ACACA: variants seen among roughly 807,000 people sequenced by gnomAD.
ACACA encodes the protein acetyl-CoA carboxylase 1.
Under a neutral mutation model 296.1 loss-of-function variants are expected in ACACA, and 103 were observed. That is an observed-to-expected ratio of 0.35 (90% CI 0.30 to 0.41). ACACA has a LOEUF of 0.41. ACACA is among the 10% of genes least tolerant of loss of function. The pLI, the probability that ACACA is intolerant of heterozygous loss-of-function variation, is 1.00. For synonymous variants in ACACA, 953 were observed against 1,038.6 expected (o/e 0.92, Z 1.58); for missense variants, 1,554 against 2,989.7 (o/e 0.52, Z 11.20).
At chr17:37,278,099 T>C in intron 5 of ACACA, 94 bp from the exon 6 acceptor site, 1 of 910,034 alleles carries the variant, frequency 1.1e-6, no homozygotes, top group East Asian at 2.5e-5. Flanking sequence ...GGGACTATCA[T>C]AAGTAACCAC....
At chr17:37,124,246 G>A (rs1343826089) in intron 48 of ACACA, among the ~76,000 whole-genome samples, 1 of 152,208 alleles carries the variant, frequency 6.6e-6, no homozygotes, top group African/African-American at 2.4e-5. Context: ...CCCAGAACTC[G>A]TCAGATAGAA....
chr17:37,378,016 T>C, intron 1 of ACACA: 3 of 1,537,920 alleles, frequency 2.0e-6, no homozygotes, highest in Non-Finnish European at 2.7e-6. Context: ...CAAAAAATTT[T>C]TACCTTTAAA....
chr17:37,180,550 G>A (rs1016858571), intron 40 of ACACA, among the ~76,000 whole-genome samples: 2 of 152,048 alleles, frequency 1.3e-5, no homozygotes, highest in Non-Finnish European at 2.9e-5. Flanking sequence ...ATTTTCTACT[G>A]GTGATACACT....
At chr17:37,365,000 T>G (rs966482227) in intron 1 of ACACA, among the ~76,000 whole-genome samples, 15 of 152,010 alleles carry the variant, frequency 9.9e-5, no homozygotes, top group African/African-American at 3.4e-4. Flanking sequence ...TGAGACAGAG[T>G]CTCGCTCTGT....
At chr17:37,131,673 C>T (rs1392222304) in intron 45 of ACACA, among the ~76,000 whole-genome samples, 3 of 152,178 alleles carry the variant, frequency 2.0e-5, no homozygotes, top group Non-Finnish European at 2.9e-5. Flanking sequence ...GTCAGCACCC[C>T]CATCGGGACC....
intron 16 of ACACA, 58 bp from the exon 17 acceptor site, chr17:37,248,732 T>C: frequency 8.2e-7 from 1 of 1,214,640 alleles, no homozygotes; most frequent in East Asian, 2.4e-5. Context: ...TAAGAGAATC[T>C]AAAACATTAT....
At chr17:37,155,357 T>C (rs982218970) in intron 43 of ACACA, among the ~76,000 whole-genome samples, 2 of 152,182 alleles carry the variant, frequency 1.3e-5, no homozygotes, top group African/African-American at 2.4e-5. Flanking sequence ...AAAAAAGATA[T>C]GTCTATAGAA....
chr17:37,219,756 C>A (rs1275075798), intron 29 of ACACA, among the ~76,000 whole-genome samples: 1 of 148,732 alleles, frequency 6.7e-6, no homozygotes, highest in Non-Finnish European at 1.5e-5. Context: ...TCTTATAAAA[C>A]TAAATTCAAG....
At chr17:37,286,211 A>G (rs1036315645) in intron 3 of ACACA, among the ~76,000 whole-genome samples, 3 of 152,062 alleles carry the variant, frequency 2.0e-5, no homozygotes, top group African/African-American at 7.2e-5. Flanking sequence ...ATTTTTTCTT[A>G]GTGGTACATA....
intron 3 of ACACA, among the ~76,000 whole-genome samples, chr17:37,304,037 T>C (rs947446877): frequency 1.7e-4 from 26 of 152,336 alleles, no homozygotes; most frequent in Admixed American, 4.6e-4. Flanking sequence ...TTAATTTGCA[T>C]TTTCCTAATA....
intron 30 of ACACA, 33 bp from the exon 31 acceptor site, chr17:37,207,833 AG>A: frequency 6.2e-7 from 1 of 1,610,322 alleles, no homozygotes; most frequent in South Asian, 1.1e-5. Flanking sequence ...TCATTAGACA[AG>A]GAGGGTAGGA....
rs754418199 is a variant in ACACA, at chr17:37,223,559, T to C, written c.3517A>G (p.Asn1173Asp). 2.5e-6 allele frequency: 4 copies of C among 1,612,538 alleles called. No individual in the cohort carries two copies. The highest frequency in any genetic ancestry group is 2.5e-6 in the Non-Finnish European group (3 of 1,178,596). Residue 1173 changes from asparagine (N) to aspartate (D), a missense_variant, in exon 28 of 56, where the codon AAC becomes GAC. Asn to Asp is a conservative substitution (Grantham distance 23). Transcript: ENST00000616317. ...SETSIFDVLP[N>D]FFYHSNQVVR... ...ACTTGGTTGCTGTGATAGAAGAAGTTTGGTAGGACATCAAAAATAGATGTT... is the reference window on the plus strand; with the variant it reads ...ACTTGGTTGCTGTGATAGAAGAAGTCTGGTAGGACATCAAAAATAGATGTT...
At chr17:37,177,599 C>T (rs1357363937) in intron 41 of ACACA, among the ~76,000 whole-genome samples, 1 of 152,196 alleles carries the variant, frequency 6.6e-6, no homozygotes, top group Non-Finnish European at 1.5e-5. Context: ...CCATTTTGCT[C>T]TCAGCCCCAT....
At chr17:37,377,661 A>G (rs1378651911) in intron 1 of ACACA, among the ~76,000 whole-genome samples, 2 of 32,990 alleles carry the variant, frequency 6.1e-5, no homozygotes, top group Non-Finnish European at 1.2e-4. Context: ...CTCCGTCTCA[A>G]TAAATAAATA....
chr17:37,183,252 G>A (rs2077392389), intron 39 of ACACA, among the ~76,000 whole-genome samples: 1 of 152,140 alleles, frequency 6.6e-6, no homozygotes, highest in African/African-American at 2.4e-5. Flanking sequence ...TGTGCACTGA[G>A]GAAGGGGATT....
intron 45 of ACACA, among the ~76,000 whole-genome samples, chr17:37,132,692 T>G (rs577681616): frequency 6.6e-6 from 1 of 152,144 alleles, no homozygotes; most frequent in Non-Finnish European, 1.5e-5. Flanking sequence ...TCTTCCTATC[T>G]CTAATACCTG....
intron 54 of ACACA, among the ~76,000 whole-genome samples, chr17:37,091,485 TC>T (rs1439843932): frequency 6.6e-6 from 1 of 152,208 alleles, no homozygotes; most frequent in Non-Finnish European, 1.5e-5. Flanking sequence ...CACTGGTTTT[TC>T]TCAACAGACC....
intron 3 of ACACA, among the ~76,000 whole-genome samples, chr17:37,325,410 T>G (rs1466316401): frequency 6.6e-6 from 1 of 151,356 alleles, no homozygotes; most frequent in African/African-American, 2.4e-5. Flanking sequence ...TTCTTAAATG[T>G]TCAATTGAAT....
chr17:37,348,196 AAAG>A (rs2048722310), intron 1 of ACACA, among the ~76,000 whole-genome samples: 1 of 152,144 alleles, frequency 6.6e-6, no homozygotes. Context: ...CAGGAGAGAA[AAAG>A]AAGATGAGAG....
Sources: gnomAD v4.1 joint callset for allele counts (sites outside exome capture counted in the v4.1 genomes callset) on GRCh38, gnomAD v4.1.1 for gene constraint, MANE v1.5 for transcripts, NCBI Gene and HGNC (gene_info 2026-07-23, HGNC 2026-07-21) for gene names.